CMIP: variants seen among roughly 807,000 people sequenced by gnomAD.
The protein encoded by CMIP is C-Maf-inducing protein.
In CMIP, 13 loss-of-function variants were observed where a neutral mutation model predicts 97.3. The observed-to-expected ratio is 0.13, with a 90% CI of 0.09 to 0.21. The LOEUF (loss-of-function observed/expected upper bound fraction) is 0.21, where lower values mean the gene tolerates loss of function less well. Ranked by LOEUF, CMIP falls within the 10% of genes least tolerant of loss-of-function variation. CMIP has a pLI of 1.00. For missense variants in CMIP, 847 were observed against 1,024.9 expected (o/e 0.83, Z 2.37); for synonymous variants, 538 against 436.3 (o/e 1.23, Z -2.91).
At position 81,537,053 on chromosome 16, in the gene CMIP, T is replaced by C. The variant is rs113929886; in HGVS notation, c.301-70514T>C. ...CATGTATGATTTTGTCTGGCATTTT[T>C]CCCATGACATATTAGTGTGACTTTA... On this transcript the variant is annotated intron_variant, in intron 1 of 20. Transcript: ENST00000537098. 3.7e-4 allele frequency among the ~76,000 whole-genome samples: 57 copies of C among 152,282 alleles called. 1 individual carries two copies. Among genetic ancestry groups the C allele is most frequent in the African/African-American group, 1.3e-3 (54 of 41,568 alleles).
At chr16:81,456,856 C>A (rs560490200) in intron 1 of CMIP, among the ~76,000 whole-genome samples, 2 of 152,264 alleles carry the variant, frequency 1.3e-5, no homozygotes, top group South Asian at 4.1e-4. Flanking sequence ...AAGGGTCTAC[C>A]CTGACTGCAC....
intron 1 of CMIP, among the ~76,000 whole-genome samples, chr16:81,529,729 C>G (rs899558138): frequency 6.6e-6 from 1 of 152,282 alleles, no homozygotes; most frequent in South Asian, 2.1e-4. Context: ...AGAGAGCAGC[C>G]TTGCAATTCC....
At chr16:81,527,417 G>C (rs2966105) in intron 1 of CMIP, among the ~76,000 whole-genome samples, 5,998 of 152,232 alleles carry the variant, frequency 0.039, 177 homozygotes, top group African/African-American at 0.081. Context: ...TAGGTGGTGG[G>C]TGTAAGGGTA....
chr16:81,619,743 G>C (rs1002438129), intron 2 of CMIP: 5 of 152,218 alleles, frequency 3.3e-5, no homozygotes, highest in Admixed American at 6.5e-5. Context: ...ACATGTCTGT[G>C]AACACTCAGG....
At chr16:81,476,644 T>G (rs553025227) in intron 1 of CMIP, 2 of 392,938 alleles carry the variant, frequency 5.1e-6, no homozygotes, top group Admixed American at 3.7e-5. Context: ...CTTTTTAGTT[T>G]GCTTACTTTC....
chr16:81,549,022 C>G (rs1013452797), intron 1 of CMIP, among the ~76,000 whole-genome samples: 28 of 152,348 alleles, frequency 1.8e-4, no homozygotes, highest in African/African-American at 2.6e-4. Context: ...CCAGGTCTGT[C>G]TGCATGGGCC....
At chr16:81,658,920 G>A (rs971594000) in intron 5 of CMIP, among the ~76,000 whole-genome samples, 11 of 152,222 alleles carry the variant, frequency 7.2e-5, no homozygotes, top group African/African-American at 2.7e-4. Flanking sequence ...AAGCCTAGCT[G>A]GGTACTGTAT....
At chr16:81,629,854 G>C (rs1284429556) in intron 3 of CMIP, among the ~76,000 whole-genome samples, 3 of 152,240 alleles carry the variant, frequency 2.0e-5, no homozygotes, top group African/African-American at 7.2e-5. Context: ...GTCGTTCCCA[G>C]CTTTCCTCAG....
chr16:81,706,999 C>G lies in CMIP; in HGVS notation c.2198-15C>G. 6.2e-7 allele frequency: 1 copy of G among 1,612,742 alleles called. No individual in the cohort carries two copies. The highest frequency in any genetic ancestry group is 8.5e-7 in the Non-Finnish European group (1 of 1,178,960). ...GGCCTCGCTCTCCTAACAACTGTAT[C>G]TGTCTCTTGTGCAGCCATGAAGAGT... On this transcript the variant is annotated splice_polypyrimidine_tract_variant and intron_variant, in intron 19 of 20. Coordinates refer to ENST00000537098, the MANE Select transcript of CMIP (RefSeq NM_198390.3).
At chr16:81,622,541 T>C (rs9928223) in intron 3 of CMIP, among the ~76,000 whole-genome samples, 7,964 of 152,094 alleles carry the variant, frequency 0.052, 704 homozygotes, top group African/African-American at 0.18. Flanking sequence ...CCCTTCCCCA[T>C]GGTGTTTTAC....
In CMIP at chr16:81,614,969, GAT is replaced by G. The variant is rs1268034714; in HGVS notation, c.427-5904_427-5903del. On this transcript the variant is annotated intron_variant, in intron 2 of 20. Coordinates refer to ENST00000537098, the MANE Select transcript of CMIP (RefSeq NM_198390.3). This position sits in a 1 kb window ranked among gnomAD's most constrained non-coding sequence, Gnocchi z 5.3. ...TGTGCATGTGTGTGGTGTGTTGTGT[GAT>G]ATGTGACGTGTGTGTGTGGTGTATG... 2.0e-5 allele frequency among the ~76,000 whole-genome samples: 3 copies of G among 149,060 alleles called. No individual in the cohort carries two copies. The highest frequency in any genetic ancestry group is 4.5e-5 in the Non-Finnish European group (3 of 67,020).
intron 1 of CMIP, among the ~76,000 whole-genome samples, chr16:81,479,228 C>T (rs1451419636): frequency 6.6e-6 from 1 of 152,056 alleles, no homozygotes; most frequent in Admixed American, 6.5e-5. Flanking sequence ...AAGTTGCTCG[C>T]CTGGAAAAAC....
chr16:81,570,388 C>T (rs530682127), intron 1 of CMIP, among the ~76,000 whole-genome samples: 8 of 152,132 alleles, frequency 5.3e-5, no homozygotes, highest in East Asian at 1.9e-4. Flanking sequence ...AGCACACTGG[C>T]GGTGAACCTG....
intron 3 of CMIP, among the ~76,000 whole-genome samples, chr16:81,635,985 G>C (rs1001980236): frequency 6.6e-6 from 1 of 152,150 alleles, no homozygotes; most frequent in Admixed American, 6.5e-5. Context: ...GGTGGCGGGA[G>C]GGAGGGCCGT....
chr16:81,450,437 TC>T (rs978389988), intron 1 of CMIP, among the ~76,000 whole-genome samples: 6 of 152,250 alleles, frequency 3.9e-5, no homozygotes, highest in Admixed American at 3.3e-4. Flanking sequence ...TTTTCCTCCA[TC>T]CTTAGGGAGA....
chr16:81,644,578 A>G (rs772503402), intron 3 of CMIP, among the ~76,000 whole-genome samples: 1 of 152,194 alleles, frequency 6.6e-6, no homozygotes, highest in Non-Finnish European at 1.5e-5. Flanking sequence ...AAGGGAAGCT[A>G]TTCTGGAGGA....
intron 1 of CMIP, among the ~76,000 whole-genome samples, chr16:81,449,600 C>T (rs966377657): frequency 1.3e-5 from 2 of 152,070 alleles, no homozygotes; most frequent in Non-Finnish European, 2.9e-5. Flanking sequence ...ACATACCCCC[C>T]TTCCCCCCAT....
intron 1 of CMIP, among the ~76,000 whole-genome samples, chr16:81,545,705 C>G (rs1480222692): frequency 1.3e-5 from 2 of 152,194 alleles, no homozygotes; most frequent in African/African-American, 4.8e-5. Context: ...AGAATCCGAA[C>G]CCTCCTCAGC....
intron 3 of CMIP, among the ~76,000 whole-genome samples, chr16:81,650,839 G>A (rs574458499): frequency 8.5e-5 from 13 of 152,292 alleles, no homozygotes; most frequent in Admixed American, 4.6e-4. Context: ...CTCAGAAGGT[G>A]AAAGTTTTCT....
Sources: allele counts gnomAD v4.1 joint callset (sites outside exome capture counted in the v4.1 genomes callset), GRCh38; gene constraint gnomAD v4.1.1; non-coding constraint Gnocchi (gnomAD v3.1); transcripts MANE v1.5; gene names NCBI Gene and HGNC (gene_info 2026-07-23, HGNC 2026-07-21).